The following CAMK2B variants were observed in gnomAD, a reference collection of about 807,000 sequenced individuals.
The protein encoded by CAMK2B is calcium/calmodulin dependent protein kinase II beta, also known as calcium/calmodulin-dependent protein kinase type II subunit beta.
CAMK2B carries 27 observed loss-of-function variants against 93.7 expected under a neutral mutation model. The observed-to-expected ratio is 0.29, with a 90% confidence interval of 0.21 to 0.40. The LOEUF (loss-of-function observed/expected upper bound fraction) is 0.40. Ranked by LOEUF, CAMK2B falls within the 10% of genes least tolerant of loss-of-function variation. CAMK2B has a pLI of 1.00. For missense variants in CAMK2B, 568 were observed against 895.8 expected (o/e 0.63, Z 4.67); for synonymous variants, 374 against 358.8 (o/e 1.04, Z -0.48).
chr7:44,222,826 G>T (rs1258915268), intron 20 of CAMK2B, among the ~76,000 whole-genome samples: 2 of 42,418 alleles, frequency 4.7e-5, no homozygotes, highest in Admixed American at 2.8e-4. Flanking sequence ...CACCACCAGG[G>T]AGCCCACCTG....
intron 2 of CAMK2B, among the ~76,000 whole-genome samples, chr7:44,265,487 C>T (rs542954659): frequency 2.2e-4 from 34 of 152,184 alleles, no homozygotes; most frequent in Non-Finnish European, 4.3e-4. Context: ...GAGGGAGATG[C>T]GGTGGAACCA....
At chr7:44,309,559 C>T (rs1251318682) in intron 1 of CAMK2B, among the ~76,000 whole-genome samples, 1 of 152,192 alleles carries the variant, frequency 6.6e-6, no homozygotes, top group African/African-American at 2.4e-5. Context: ...TCGGGAAGGA[C>T]AGGCAGAAGC....
chr7:44,290,144 G>A (rs1002227144), intron 1 of CAMK2B, among the ~76,000 whole-genome samples: 1 of 152,208 alleles, frequency 6.6e-6, no homozygotes, highest in African/African-American at 2.4e-5. Flanking sequence ...AGGGCCATGG[G>A]ACCCCTTCAA....
At chr7:44,273,358 T>TCCC (rs2096993590) in intron 2 of CAMK2B, among the ~76,000 whole-genome samples, 1 of 152,194 alleles carries the variant, frequency 6.6e-6, no homozygotes, top group Non-Finnish European at 1.5e-5. Flanking sequence ...GCTGGGTGTC[T>TCCC]TGTGTTCAGT....
chr7:44,242,273 A>G lies in CAMK2B; in HGVS notation c.764T>C (p.Ile255Thr), dbSNP rs1421318771. Residue 255 changes from isoleucine (I) to threonine (T), a missense_variant, in exon 10 of 24, where the codon ATC (isoleucine) becomes ACC (threonine). Transcript: ENST00000395749. ...AKNLINQMLT[I>T]NPAKRITAHE... ...GGCTGTGATGCGCTTGGCAGGGTTGATGGTCAGCATCTGGTTGATGAGGTT... is the reference window on the plus strand; with the variant it reads ...GGCTGTGATGCGCTTGGCAGGGTTGGTGGTCAGCATCTGGTTGATGAGGTT... 3 of 1,613,900 alleles carry G rather than the reference A, an allele frequency of 1.9e-6. No individual in the cohort carries two copies. Among genetic ancestry groups the G allele is most frequent in the Non-Finnish European group, 2.5e-6 (3 of 1,179,920 alleles).
rs564097986 is a variant in CAMK2B at position 44,220,876 on chromosome 7, G to T, written c.1623C>A (p.Thr541=). 2 of 1,572,748 alleles carry T rather than the reference G, an allele frequency of 1.3e-6. No individual in the cohort carries two copies. The highest frequency in any genetic ancestry group is 1.2e-5 in the South Asian group (1 of 85,618). The change falls in exon 21 of 24, where the codon ACC becomes ACA. Residue 541 remains threonine (T), a synonymous_variant. Coordinates refer to ENST00000395749, the MANE Select transcript of CAMK2B (RefSeq NM_001220.5). ...TPSRKQEIIK[T]TEQLIEAVNN... ...TGACGGCCTCGATGAGCTGCTCCGTGGTCTTAATGATCTCCTGCTTCCGGG... is the reference window on the plus strand; with the variant it reads ...TGACGGCCTCGATGAGCTGCTCCGTTGTCTTAATGATCTCCTGCTTCCGGG...
intron 6 of CAMK2B, among the ~76,000 whole-genome samples, 196 bp downstream of exon 6, chr7:44,246,924 C>T (rs1478324515): frequency 6.6e-6 from 1 of 151,708 alleles, no homozygotes; most frequent in South Asian, 2.1e-4. Context: ...ACCATCCACA[C>T]AGGACATGCA....
At chr7:44,279,711 C>T (rs879516608) in intron 2 of CAMK2B, among the ~76,000 whole-genome samples, 20 of 152,238 alleles carry the variant, frequency 1.3e-4, no homozygotes, top group African/African-American at 4.3e-4. Context: ...GTCTCCAGGG[C>T]GCAGCCATCC....
At position 44,242,380 on chromosome 7, in the gene CAMK2B, C is replaced by T. The variant is rs767167973; in HGVS notation, c.697-40G>A. The T allele has an allele frequency of 2.5e-6, 4 of 1,598,208 alleles. No individual in the cohort carries two copies. In the South Asian group the frequency reaches 4.5e-5, roughly 18 times the overall value. On this transcript the variant is annotated intron_variant, in intron 9 of 23. Transcript: ENST00000395749. Reference sequence around the variant, plus strand: ...AGCGCCCCGGCCGGGCCTGAAGCTCCCTCTCAGGCAGGGGCAAGAATTCTC... The same window carrying T: ...AGCGCCCCGGCCGGGCCTGAAGCTCTCTCTCAGGCAGGGGCAAGAATTCTC...
intron 1 of CAMK2B, chr7:44,324,974 C>A (rs1490079907): frequency 6.6e-6 from 1 of 151,932 alleles, no homozygotes; most frequent in African/African-American, 2.4e-5. Flanking sequence ...GCAGCCGACC[C>A]CTCCCGGCGC....
intron 5 of CAMK2B, among the ~76,000 whole-genome samples, chr7:44,251,264 G>A (rs553438445): frequency 6.6e-6 from 1 of 152,322 alleles, no homozygotes; most frequent in South Asian, 2.1e-4. Flanking sequence ...TCTGCCTGGG[G>A]GTAAGTCAAG....
At chr7:44,284,415 C>A (rs902893164) in intron 1 of CAMK2B, among the ~76,000 whole-genome samples, 190 bp from the exon 2 acceptor site, 42 of 152,396 alleles carry the variant, frequency 2.8e-4, no homozygotes, top group African/African-American at 1.0e-3. Context: ...CAGCTGGCCC[C>A]ACTCAACACC....
intron 15 of CAMK2B, among the ~76,000 whole-genome samples, chr7:44,233,417 G>C (rs533492156): frequency 6.6e-6 from 1 of 152,094 alleles, no homozygotes; most frequent in Non-Finnish European, 1.5e-5. Flanking sequence ...TGAGCAGCTC[G>C]CCCCTCCCAG....
At chr7:44,257,237 G>C (rs564014277) in intron 4 of CAMK2B, among the ~76,000 whole-genome samples, 1 of 152,172 alleles carries the variant, frequency 6.6e-6, no homozygotes, top group East Asian at 1.9e-4. Flanking sequence ...CTGCTGTCCC[G>C]GCCCTCTGCT....
chr7:44,271,746 G>A lies in CAMK2B; in HGVS notation c.161-8682C>T, dbSNP rs1163839017. 1.3e-5 allele frequency among the ~76,000 whole-genome samples: 2 copies of A among 152,270 alleles called. No homozygotes were observed. Among genetic ancestry groups the A allele is most frequent in the Non-Finnish European group, 2.9e-5 (2 of 68,052 alleles). On this transcript the variant is annotated intron_variant, in intron 2 of 23. Transcript: ENST00000395749. The surrounding 1 kb of genome is among the most constrained non-coding windows in gnomAD (Gnocchi z 4.2). ...AAGTAGAACCAGTCCTGACCCCAAA[G>A]TCAGCTTGGGCCATGCGGCAGGGAC...
intron 1 of CAMK2B, among the ~76,000 whole-genome samples, chr7:44,295,249 T>C (rs1426446442): frequency 6.6e-6 from 1 of 152,242 alleles, no homozygotes; most frequent in Non-Finnish European, 1.5e-5. Context: ...GCTTAAAACA[T>C]TGGTCTAGCA....
Position 44,259,015 on chromosome 7 carries a change from C to T in CAMK2B, c.221-89G>A, listed in dbSNP as rs560477965. 21 of 1,184,510 alleles carry T rather than the reference C, an allele frequency of 1.8e-5. No individual in the cohort carries two copies. In the Admixed American group the frequency reaches 1.9e-4, roughly 11 times the overall value. The allele number at this position is 1,184,510 out of a possible 1,614,324, so 73.4% of individuals were successfully genotyped here. ...CGTACCTGTCCAGGCACACCACCAG[C>T]GGTGTAAGCCCTAGGGCTGCCCAGA... On this transcript the variant is annotated intron_variant, in intron 3 of 23. Coordinates refer to ENST00000395749, the MANE Select transcript of CAMK2B (RefSeq NM_001220.5).
At chr7:44,247,836 T>C (rs1213483175) in intron 5 of CAMK2B, among the ~76,000 whole-genome samples, 3 of 152,218 alleles carry the variant, frequency 2.0e-5, no homozygotes, top group Admixed American at 6.5e-5. Flanking sequence ...AAGACCAGCC[T>C]GGCCAACATG....
At position 44,312,647 on chromosome 7, in the gene CAMK2B, T is replaced by G. The variant is rs1465741066; in HGVS notation, c.65+12710A>C. The stretch of plus-strand genomic sequence containing the variant: ...AAAAGAGGGAGGAAAAGTGGAAACA[T>G]GAAGTGAGAAAAAGAGAGGGAGAGA... On this transcript the variant is annotated intron_variant, in intron 1 of 23. Coordinates refer to ENST00000395749, the MANE Select transcript of CAMK2B (RefSeq NM_001220.5). This position sits in a 1 kb window ranked among gnomAD's most constrained non-coding sequence, Gnocchi z 4.1. Among the ~76,000 whole-genome samples the G allele has an allele frequency of 6.6e-6, 1 of 151,018 alleles. No individual in the cohort carries two copies. Among genetic ancestry groups the G allele is most frequent in the Non-Finnish European group, 1.5e-5 (1 of 67,814 alleles).
Sources: gnomAD v4.1 joint callset for allele counts (sites outside exome capture counted in the v4.1 genomes callset) on GRCh38, gnomAD v4.1.1 for gene constraint, Gnocchi (gnomAD v3.1) non-coding constraint, MANE v1.5 for transcripts, NCBI Gene and HGNC (gene_info 2026-07-23, HGNC 2026-07-21) for gene names.